PFKFB3: variants seen among roughly 807,000 people sequenced by gnomAD.
PFKFB3 encodes 6-phosphofructo-2-kinase/fructose-2,6-bisphosphatase 3.
A neutral mutation model predicts 68.0 loss-of-function variants in PFKFB3; 33 were observed. That is an observed-to-expected ratio of 0.49 (90% CI 0.37 to 0.65). The LOEUF is 0.65. Among genes scored for constraint, PFKFB3 ranks in the 30% least tolerant of loss-of-function variants. PFKFB3 has a pLI of 0.00. For missense variants in PFKFB3, 586 were observed against 712.2 expected (o/e 0.82, Z 2.02); for synonymous variants, 315 against 288.2 (o/e 1.09, Z -0.94).
chr10:6,318,565 C>A, the PFKFB3 span, among the ~76,000 whole-genome samples: 2 of 152,194 alleles, frequency 1.3e-5, no homozygotes, highest in Non-Finnish European at 2.9e-5. Context: ...ATATCCATTG[C>A]CCTGTTTTGA....
chr10:6,199,658 A>T (rs1304194473), upstream of PFKFB3, among the ~76,000 whole-genome samples: 12 of 75,594 alleles, frequency 1.6e-4, no homozygotes, highest in East Asian at 4.0e-4. Context: ...CTATTTTTAA[A>T]TTTTTTTTTT....
intron 1 of PFKFB3, among the ~76,000 whole-genome samples, chr10:6,157,987 T>G (rs926706465): frequency 5.3e-5 from 8 of 152,138 alleles, no homozygotes; most frequent in African/African-American, 1.9e-4. Flanking sequence ...TAAAGCCTTT[T>G]AAAAGTCAGG....
chr10:6,293,949 G>A, the PFKFB3 span: 1 of 499,612 alleles, frequency 2.0e-6, no homozygotes, highest in South Asian at 1.5e-5. Context: ...GGTCCTTATG[G>A]CTTCACGAAT....
chr10:6,295,198 A>G, the PFKFB3 span, among the ~76,000 whole-genome samples: 1 of 151,978 alleles, frequency 6.6e-6, no homozygotes, highest in East Asian at 1.9e-4. Context: ...CTCCTTGAAT[A>G]GGGTCTTAGG....
chr10:6,170,677 G>A (rs547349422), intron 1 of PFKFB3, among the ~76,000 whole-genome samples: 1 of 152,282 alleles, frequency 6.6e-6, no homozygotes, highest in East Asian at 1.9e-4. Flanking sequence ...CAGTGTGGAG[G>A]TGAGGACAGT....
the PFKFB3 span, among the ~76,000 whole-genome samples, chr10:6,309,151 A>C: frequency 6.6e-6 from 1 of 151,998 alleles, no homozygotes; most frequent in African/African-American, 2.4e-5. Flanking sequence ...ATTGTAAAAA[A>C]TGAAAACCTA....
intron 14 of PFKFB3, among the ~76,000 whole-genome samples, chr10:6,251,809 A>T (rs1406392908): frequency 6.6e-6 from 1 of 152,110 alleles, no homozygotes; most frequent in African/African-American, 2.4e-5. Context: ...TCTCTCTAAA[A>T]ATACAAAAAT....
At chr10:6,303,543 G>C in the PFKFB3 span, among the ~76,000 whole-genome samples, 200 of 152,198 alleles carry the variant, frequency 1.3e-3, 1 homozygote, top group African/African-American at 4.6e-3. Context: ...TGCCGGGCAC[G>C]GTGGCTCACG....
At chr10:6,293,352 T>G in the PFKFB3 span, 2 of 279,352 alleles carry the variant, frequency 7.2e-6, no homozygotes, top group South Asian at 3.8e-5. Flanking sequence ...TTTTCTTTCT[T>G]TCTTTCTTTC....
At chr10:6,319,389 G>T in the PFKFB3 span, among the ~76,000 whole-genome samples, 3 of 152,240 alleles carry the variant, frequency 2.0e-5, no homozygotes, top group Non-Finnish European at 4.4e-5. Context: ...ATCATCTGAA[G>T]TGCAACAACT....
chr10:6,316,136 G>A, the PFKFB3 span, among the ~76,000 whole-genome samples: 136 of 152,294 alleles, frequency 8.9e-4, no homozygotes, highest in Non-Finnish European at 1.5e-3. Flanking sequence ...GGATTTGTGA[G>A]GTTCATGAGG....
chr10:6,201,971 G>A (rs1200292106), upstream of PFKFB3, among the ~76,000 whole-genome samples: 1 of 152,262 alleles, frequency 6.6e-6, no homozygotes, highest in Non-Finnish European at 1.5e-5. This position sits in a 1 kb window ranked among gnomAD's most constrained non-coding sequence, Gnocchi z 4.1. Context: ...GGGAGGCAGA[G>A]CTGCAGGGTG....
At chr10:6,179,890 C>A (rs1363544465) in intron 1 of PFKFB3, among the ~76,000 whole-genome samples, 1 of 152,120 alleles carries the variant, frequency 6.6e-6, no homozygotes, top group Non-Finnish European at 1.5e-5. Context: ...CGTTGAGCCC[C>A]CAGAGTGACA....
At chr10:6,254,147 T>G (rs1564237840) in intron 14 of PFKFB3, 3 of 388,360 alleles carry the variant, frequency 7.7e-6, no homozygotes, top group Non-Finnish European at 1.3e-5. Flanking sequence ...ATCCACTCAA[T>G]CTAATCCACA....
the PFKFB3 span, among the ~76,000 whole-genome samples, chr10:6,273,137 G>A: frequency 6.6e-6 from 1 of 151,422 alleles, no homozygotes; most frequent in Admixed American, 6.6e-5. Context: ...CTCCCAAGTA[G>A]CTGGGATTAC....
At chr10:6,192,139 T>TACATAC (rs775843709) in intron 1 of PFKFB3, among the ~76,000 whole-genome samples, 20 of 119,142 alleles carry the variant, frequency 1.7e-4, no homozygotes, top group African/African-American at 6.5e-4. Flanking sequence ...CATTCCCCAA[T>TACATAC]ACACACACAC....
At chr10:6,210,924 A>G (rs71485450) in intron 1 of PFKFB3, among the ~76,000 whole-genome samples, 18,333 of 22,606 alleles carry the variant, frequency 0.81, 8,693 homozygotes, top group Middle Eastern at 1. Context: ...TAGCCAGGAT[A>G]GTCTTGATCT....
chr10:6,316,212 G>T, the PFKFB3 span, among the ~76,000 whole-genome samples: 1 of 142,044 alleles, frequency 7.0e-6, no homozygotes, highest in Admixed American at 7.3e-5. Context: ...CTGCCCAGCT[G>T]TGAAGAGTGT....
Position 6,172,160 on chromosome 10 carries a change from C to T in PFKFB3, c.16+27147C>T, listed in dbSNP as rs190572895. 2.0e-5 allele frequency among the ~76,000 whole-genome samples: 3 copies of T among 152,344 alleles called. No homozygotes were observed. The East Asian group carries it at 5.8e-4, about 29-fold the overall frequency. ...TCACTCGTTTGCTGGGATCAGTTCC[C>T]ATCAGGCATGCGGCTGTGCTTCTTG... On this transcript the variant is annotated intron_variant, in intron 1 of 14. Coordinates refer to the PFKFB3 transcript ENST00000379789.
Sources: allele counts gnomAD v4.1 joint callset (sites outside exome capture counted in the v4.1 genomes callset), GRCh38; gene constraint gnomAD v4.1.1; non-coding constraint Gnocchi (gnomAD v3.1); transcripts MANE v1.5; gene names NCBI Gene and HGNC (gene_info 2026-07-23, HGNC 2026-07-21).